Variants in AKT3 observed in about 807,000 individuals in gnomAD.
AKT3 encodes RAC-gamma serine/threonine-protein kinase.
A neutral mutation model predicts 65.3 loss-of-function variants in AKT3; 15 were observed. That is an observed-to-expected ratio of 0.23 (90% confidence interval 0.15 to 0.35). The LOEUF (loss-of-function observed/expected upper bound fraction) is 0.35. Among genes scored for constraint, AKT3 ranks in the 10% least tolerant of loss-of-function variants. The pLI, the probability that AKT3 is intolerant of heterozygous loss-of-function variation, is 1.00. For synonymous variants in AKT3, 206 were observed against 183.8 expected (o/e 1.12, Z -0.98); for missense variants, 243 against 576.5 (o/e 0.42, Z 5.92).
chr1:243,579,427 G>T (rs1010508831), intron 8 of AKT3, among the ~76,000 whole-genome samples: 2 of 152,060 alleles, frequency 1.3e-5, no homozygotes, highest in African/African-American at 4.8e-5. Flanking sequence ...AATACTAAGA[G>T]ATATAAAAAA....
At chr1:243,673,546 A>G (rs1472795040) in intron 3 of AKT3, among the ~76,000 whole-genome samples, 1 of 152,060 alleles carries the variant, frequency 6.6e-6, no homozygotes, top group Admixed American at 6.6e-5. Flanking sequence ...TAAATTACTC[A>G]GATGTACACA....
chr1:243,648,294 A>C (rs1433185456), intron 4 of AKT3, among the ~76,000 whole-genome samples: 1 of 152,026 alleles, frequency 6.6e-6, no homozygotes, highest in African/African-American at 2.4e-5. Context: ...AAAGAAAATA[A>C]AACTGTCAAA....
chr1:243,551,386 T>A (rs1388561523), intron 11 of AKT3, among the ~76,000 whole-genome samples: 3 of 152,204 alleles, frequency 2.0e-5, no homozygotes. Context: ...TTACAAAATG[T>A]TTCTTGAATG....
chr1:243,809,387 T>C lies in AKT3; in HGVS notation c.46+33738A>G, dbSNP rs1275935530. Among the ~76,000 whole-genome samples, 5 of 152,108 alleles carry C rather than the reference T, an allele frequency of 3.3e-5. No individual in the cohort carries two copies. In the East Asian group the frequency reaches 7.7e-4, roughly 23 times the overall value. On this transcript the variant is annotated intron_variant, in intron 2 of 13. Coordinates refer to ENST00000673466, the MANE Select transcript of AKT3 (RefSeq NM_005465.7). ...AAAAAGGCAAGGGCTGCAATCCTAG[T>C]CTCTGATAAAACAGACTTTAAACCA...
At chr1:243,552,623 C>T (rs560486855) in intron 11 of AKT3, 106 bp downstream of exon 11, 34 of 1,029,258 alleles carry the variant, frequency 3.3e-5, no homozygotes, top group African/African-American at 3.2e-4. Context: ...AAGATGTCTA[C>T]ACCAAATACA....
intron 2 of AKT3, among the ~76,000 whole-genome samples, chr1:243,809,235 G>A (rs1374143822): frequency 6.6e-6 from 1 of 152,128 alleles, no homozygotes; most frequent in Admixed American, 6.5e-5. Context: ...ACACAGACTG[G>A]CAAATTGGAT....
chr1:243,824,073 G>A (rs890833216), intron 2 of AKT3, among the ~76,000 whole-genome samples: 6 of 151,986 alleles, frequency 3.9e-5, no homozygotes, highest in Non-Finnish European at 7.4e-5. Context: ...ATAGACCAAC[G>A]GAATAAAATA....
At chr1:243,680,015 G>C (rs1049776487) in intron 3 of AKT3, among the ~76,000 whole-genome samples, 6 of 152,124 alleles carry the variant, frequency 3.9e-5, no homozygotes, top group Admixed American at 1.3e-4. Context: ...TATCTTATAA[G>C]AACACCCTAT....
At chr1:243,719,653 T>C (rs1199690262) in intron 2 of AKT3, among the ~76,000 whole-genome samples, 1 of 152,216 alleles carries the variant, frequency 6.6e-6, no homozygotes, top group Admixed American at 6.5e-5. Context: ...TTCCTTTCAA[T>C]GGCAGTGACT....
At chr1:243,810,288 TAAAG>T (rs1454728284) in intron 2 of AKT3, among the ~76,000 whole-genome samples, 3 of 151,620 alleles carry the variant, frequency 2.0e-5, no homozygotes, top group Non-Finnish European at 2.9e-5. Flanking sequence ...GCAAGACTAA[TAAAG>T]AAGAAAAGAG....
chr1:243,789,792 T>C (rs193069870), intron 2 of AKT3, among the ~76,000 whole-genome samples: 2 of 152,322 alleles, frequency 1.3e-5, no homozygotes, highest in East Asian at 3.9e-4. Context: ...AAGTTGAAAT[T>C]AGTCCTTGAT....
chr1:243,743,052 A>C (rs549743426), intron 2 of AKT3, among the ~76,000 whole-genome samples: 1 of 152,286 alleles, frequency 6.6e-6, no homozygotes, highest in Non-Finnish European at 1.5e-5. Context: ...TTCACTCCCA[A>C]TTCACTGGCC....
intron 2 of AKT3, among the ~76,000 whole-genome samples, chr1:243,804,556 A>C (rs1391742376): frequency 2.0e-5 from 3 of 152,194 alleles, no homozygotes; most frequent in Admixed American, 6.5e-5. Context: ...TCAAGAATAC[A>C]ATATACATGG....
At chr1:243,710,918 T>C (rs1686104513) in intron 2 of AKT3, among the ~76,000 whole-genome samples, 1 of 152,196 alleles carries the variant, frequency 6.6e-6, no homozygotes, top group African/African-American at 2.4e-5. Flanking sequence ...ATTTTAAAGA[T>C]AATAACCCAA....
Position 243,850,045 on chromosome 1 carries a change from ACGGCGGCGGCGG to A in AKT3, c.-130_-119del. The A allele has an allele frequency of 1.0e-6, 1 of 980,958 alleles. No individual in the cohort carries two copies. The highest frequency in any genetic ancestry group is 1.2e-6 in the Non-Finnish European group (1 of 828,886). 60.8% of individuals were successfully genotyped at this position (980,958 alleles called of 1,614,324 possible). On this transcript the variant is annotated 5_prime_UTR_variant, in exon 1 of 14. Coordinates refer to ENST00000673466, the MANE Select transcript of AKT3 (RefSeq NM_005465.7). ...TTGGGGGCGGTGGCTGTTACCTGCAACGGCGGCGGCGGCGGTGGCGGCCCCGCAGCTGCTCGG... is the reference window on the plus strand; with the variant it reads ...TTGGGGGCGGTGGCTGTTACCTGCAACGGTGGCGGCCCCGCAGCTGCTCGG...
chr1:243,563,220 C>A (rs1673916470), intron 10 of AKT3, among the ~76,000 whole-genome samples: 4 of 152,008 alleles, frequency 2.6e-5, no homozygotes. Context: ...TATTGTGGAA[C>A]CCTTAGCACA....
chr1:243,666,039 T>C (rs920498810), intron 3 of AKT3, among the ~76,000 whole-genome samples: 1 of 152,222 alleles, frequency 6.6e-6, no homozygotes, highest in Non-Finnish European at 1.5e-5. Flanking sequence ...AGTCTCGCTC[T>C]GTCACCCAGG....
intron 1 of AKT3, among the ~76,000 whole-genome samples, chr1:243,847,536 G>T (rs559229587): frequency 1.3e-5 from 2 of 152,192 alleles, no homozygotes; most frequent in South Asian, 2.1e-4. Context: ...AACCCAGATA[G>T]CTGGAAATTT....
chr1:243,796,846 G>C (rs1156553296), intron 2 of AKT3, among the ~76,000 whole-genome samples: 1 of 152,062 alleles, frequency 6.6e-6, no homozygotes, highest in Non-Finnish European at 1.5e-5. Context: ...GGATGAACCT[G>C]GAAAACACTA....
Sources: allele counts gnomAD v4.1 joint callset (sites outside exome capture counted in the v4.1 genomes callset), GRCh38; gene constraint gnomAD v4.1.1; transcripts MANE v1.5; gene names NCBI Gene and HGNC (gene_info 2026-07-23, HGNC 2026-07-21).